The following MALRD1 variants were observed in gnomAD, a reference collection of about 807,000 sequenced individuals.
MALRD1 encodes the protein MAM and LDL-receptor class A domain-containing protein 1.
In MALRD1, 247 loss-of-function variants were observed where a neutral mutation model predicts 242.1. That is an observed-to-expected ratio of 1.02 (90% confidence interval 0.92 to 1.13). The LOEUF (loss-of-function observed/expected upper bound fraction) is 1.13, where lower values mean the gene tolerates loss of function less well. MALRD1 is among the 50% of genes most tolerant of loss of function. The pLI, the probability that MALRD1 is intolerant of heterozygous loss-of-function variation, is 0.00. For synonymous variants in MALRD1, 995 were observed against 866.6 expected (o/e 1.15, Z -2.60); for missense variants, 2,989 against 2,533.1 (o/e 1.18, Z -3.86).
chr10:19,148,409 T>C (rs1047446995), intron 11 of MALRD1, among the ~76,000 whole-genome samples: 5 of 151,998 alleles, frequency 3.3e-5, no homozygotes, highest in African/African-American at 9.7e-5. Context: ...GGAGTTGTCA[T>C]GAGGATTAAA....
intron 19 of MALRD1, among the ~76,000 whole-genome samples, chr10:19,273,323 AG>A (rs1487176558): frequency 1.3e-5 from 2 of 152,194 alleles, no homozygotes; most frequent in Admixed American, 1.3e-4. Context: ...GCTTTGAAAA[AG>A]GTTTGATATT....
chr10:19,084,251 T>A (rs2131287833), intron 2 of MALRD1, among the ~76,000 whole-genome samples: 1 of 152,088 alleles, frequency 6.6e-6, no homozygotes, highest in Admixed American at 6.6e-5. Flanking sequence ...ACAGAAATTA[T>A]CAACTTGAAG....
At chr10:19,616,016 T>TTGTG (rs1839140815) in intron 36 of MALRD1, 93 bp downstream of exon 36, 4 of 891,860 alleles carry the variant, frequency 4.5e-6, no homozygotes, top group Non-Finnish European at 6.8e-6. Flanking sequence ...ATCAATCAGT[T>TTGTG]TGTGGTTAGT....
intron 1 of MALRD1, among the ~76,000 whole-genome samples, chr10:19,060,789 G>A (rs1460296615): frequency 2.0e-5 from 3 of 152,192 alleles, no homozygotes; most frequent in Non-Finnish European, 4.4e-5. Flanking sequence ...AGGTTTGTCA[G>A]CAAAGTTATC....
intron 19 of MALRD1, among the ~76,000 whole-genome samples, chr10:19,278,420 T>C (rs544105097): frequency 1.8e-4 from 27 of 152,226 alleles, no homozygotes; most frequent in African/African-American, 6.0e-4. Context: ...TATTCATTCA[T>C]CCACTCTGGT....
chr10:19,652,207 GGTGTGTCCAA>G (rs1840931132), intron 36 of MALRD1, among the ~76,000 whole-genome samples: 2 of 152,248 alleles, frequency 1.3e-5, no homozygotes, highest in South Asian at 4.2e-4. Flanking sequence ...GCAAGTGTCA[GGTGTGTCCAA>G]TTTTATCATA....
At chr10:19,301,938 T>C (rs1337398818) in intron 21 of MALRD1, among the ~76,000 whole-genome samples, 1 of 151,794 alleles carries the variant, frequency 6.6e-6, no homozygotes, top group Non-Finnish European at 1.5e-5. Flanking sequence ...TAACCTACTT[T>C]AAAATAGGAA....
intron 32 of MALRD1, among the ~76,000 whole-genome samples, chr10:19,540,916 A>T (rs1258680345): frequency 6.6e-6 from 1 of 152,186 alleles, no homozygotes; most frequent in East Asian, 1.9e-4. Context: ...GGAATTTGAG[A>T]CCAGCCTGGG....
intron 12 of MALRD1, among the ~76,000 whole-genome samples, chr10:19,155,564 A>C (rs1167529435): frequency 1.3e-5 from 2 of 152,194 alleles, no homozygotes; most frequent in Non-Finnish European, 2.9e-5. Flanking sequence ...GAGTTTTTTA[A>C]ATGAGTCCTC....
At chr10:19,571,211 A>G (rs1836520237) in intron 33 of MALRD1, among the ~76,000 whole-genome samples, 1 of 152,156 alleles carries the variant, frequency 6.6e-6, no homozygotes, top group Non-Finnish European at 1.5e-5. Flanking sequence ...CTGTTCTGCT[A>G]GTAGTTCAGG....
chr10:19,603,920 A>G (rs904876678), intron 34 of MALRD1, among the ~76,000 whole-genome samples: 2 of 152,122 alleles, frequency 1.3e-5, no homozygotes, highest in Non-Finnish European at 1.5e-5. Context: ...CCAACCAGCC[A>G]TTCCCCTGTT....
At chr10:19,690,777 G>C (rs1007391574) in intron 36 of MALRD1, among the ~76,000 whole-genome samples, 1 of 151,834 alleles carries the variant, frequency 6.6e-6, no homozygotes, top group Admixed American at 6.6e-5. Context: ...GTAGATAATA[G>C]ATAGATGGAT....
At chr10:19,489,645 T>TA (rs1837394890) in intron 29 of MALRD1, among the ~76,000 whole-genome samples, 2 of 152,188 alleles carry the variant, frequency 1.3e-5, no homozygotes. Context: ...GATATTGAAT[T>TA]ATGGGATGCT....
In MALRD1 at chr10:19,094,301, G is replaced by GT. The variant is rs1835934769; in HGVS notation, c.597+6122dup. Among the ~76,000 whole-genome samples the GT allele has an allele frequency of 2.0e-5, 2 of 101,896 alleles. 1 individual carries two copies. The highest frequency in any genetic ancestry group is 9.4e-5 in the African/African-American group (2 of 21,282). The allele number at this position is 101,896 out of a possible 152,430, so 66.8% of individuals were successfully genotyped here. A position where few individuals can be genotyped will look rare whatever the true frequency, so the allele number is the denominator to read the frequency against. On this transcript the variant is annotated intron_variant, in intron 4 of 39. Transcript: ENST00000454679. ...GTGGGATATAGTCTCGTGGTGCGCCGTTTTTTAAGCCGATCTGAAAAGCGC... is the reference window on the plus strand; with the variant it reads ...GTGGGATATAGTCTCGTGGTGCGCCGTTTTTTTAAGCCGATCTGAAAAGCGC...
chr10:19,569,119 C>A (rs767031672), intron 33 of MALRD1, among the ~76,000 whole-genome samples: 3 of 151,966 alleles, frequency 2.0e-5, no homozygotes, highest in African/African-American at 4.8e-5. Context: ...TTATTCATCC[C>A]ATATTCTGCC....
At chr10:19,127,132 C>T (rs1321511291) in intron 7 of MALRD1, among the ~76,000 whole-genome samples, 1 of 152,054 alleles carries the variant, frequency 6.6e-6, no homozygotes, top group Non-Finnish European at 1.5e-5. Flanking sequence ...GTATATGTAC[C>T]ACATTTCCTT....
At chr10:19,707,610 C>CAAGTCATGGGTTTG (rs1260051428) in intron 38 of MALRD1, among the ~76,000 whole-genome samples, 2 of 152,078 alleles carry the variant, frequency 1.3e-5, no homozygotes, top group African/African-American at 2.4e-5. Flanking sequence ...TTGCTTAATA[C>CAAGTCATGGGTTTG]AAGTCATGGG....
intron 35 of MALRD1, among the ~76,000 whole-genome samples, chr10:19,614,190 A>G (rs1019915472): frequency 1.3e-5 from 2 of 152,094 alleles, no homozygotes; most frequent in Admixed American, 6.6e-5. Context: ...TGTTTACAGA[A>G]AGCAAACAGA....
rs890301289 is a variant in MALRD1, at chr10:19,088,053, G to A, written c.465G>A (p.Val155=). Residue 155 remains valine (V), a synonymous_variant, in exon 4 of 40, where the codon GTG becomes GTA. Transcript: ENST00000454679. ...CATTTTATTACTTCTCCTGCCAAGT[G>A]AGTGGCAAATTAATGGTTGGGCTTC... The part of the protein sequence containing the change: ...QITFYYFSCQ[V]SGKLMVGLQT... 57 of 1,233,386 alleles carry A rather than the reference G, an allele frequency of 4.6e-5. No individual in the cohort carries two copies. The highest frequency in any genetic ancestry group is 5.5e-5 in the Non-Finnish European group (54 of 987,908). 76.4% of individuals were successfully genotyped at this position (1,233,386 alleles called of 1,614,324 possible). A position where few individuals can be genotyped will look rare whatever the true frequency, so the allele number is the denominator to read the frequency against.
Sources: gnomAD v4.1 joint callset for allele counts (sites outside exome capture counted in the v4.1 genomes callset) on GRCh38, gnomAD v4.1.1 for gene constraint, MANE v1.5 for transcripts, NCBI Gene and HGNC (gene_info 2026-07-23, HGNC 2026-07-21) for gene names.